ERBB4: variants seen among roughly 807,000 people sequenced by gnomAD.
ERBB4 encodes the protein receptor tyrosine-protein kinase erbB-4.
Under a neutral mutation model 158.0 loss-of-function variants are expected in ERBB4, and 42 were observed. The ratio of observed to expected loss-of-function variants is 0.27; its 90% CI spans 0.21 to 0.34. The LOEUF (loss-of-function observed/expected upper bound fraction) is 0.34. Ranked by LOEUF, ERBB4 falls within the 10% of genes least tolerant of loss-of-function variation. The pLI is 1.00. For missense variants in ERBB4, 1,333 were observed against 1,624.1 expected, an observed-to-expected ratio of 0.82 and a Z score of 3.08; for synonymous variants, 583 against 558.7, an observed-to-expected ratio of 1.04 and a Z score of -0.61.
intron 2 of ERBB4, among the ~76,000 whole-genome samples, chr2:212,008,695 T>C (rs972115803): frequency 6.6e-6 from 1 of 152,140 alleles, no homozygotes; most frequent in Non-Finnish European, 1.5e-5. Flanking sequence ...ATTAATTTCA[T>C]AGGAGCATAT....
At chr2:211,870,402 G>A (rs1203824985) in intron 3 of ERBB4, among the ~76,000 whole-genome samples, 1 of 151,990 alleles carries the variant, frequency 6.6e-6, no homozygotes, top group African/African-American at 2.4e-5. Context: ...CTAGACACTT[G>A]TTATTAATAG....
At chr2:211,969,647 T>C (rs1396445334) in intron 2 of ERBB4, among the ~76,000 whole-genome samples, 1 of 152,070 alleles carries the variant, frequency 6.6e-6, no homozygotes, top group Admixed American at 6.6e-5. Context: ...TTTAAGGGCA[T>C]TGCTTAATTA....
At chr2:212,501,469 T>C (rs779626568) in intron 1 of ERBB4, among the ~76,000 whole-genome samples, 4 of 152,166 alleles carry the variant, frequency 2.6e-5, no homozygotes, top group Non-Finnish European at 4.4e-5. Flanking sequence ...GCTCAAGAGC[T>C]GCATAACAAA....
At chr2:211,493,130 A>G (rs2065385755) in intron 20 of ERBB4, among the ~76,000 whole-genome samples, 1 of 152,148 alleles carries the variant, frequency 6.6e-6, no homozygotes, top group African/African-American at 2.4e-5. Flanking sequence ...AGAGATTATC[A>G]ACCAGCTTTC....
intron 4 of ERBB4, among the ~76,000 whole-genome samples, chr2:211,754,373 A>C (rs1308464233): frequency 6.6e-6 from 1 of 150,828 alleles, no homozygotes; most frequent in East Asian, 2.0e-4. Flanking sequence ...TCAACCTGGT[A>C]CGTGATTCTT....
At chr2:212,007,540 T>C (rs1314495720) in intron 2 of ERBB4, among the ~76,000 whole-genome samples, 3 of 151,894 alleles carry the variant, frequency 2.0e-5, no homozygotes, top group Non-Finnish European at 4.4e-5. Context: ...AGCAACTTTT[T>C]AAAAATATTT....
At chr2:211,996,438 G>C (rs1314511872) in intron 2 of ERBB4, among the ~76,000 whole-genome samples, 1 of 151,952 alleles carries the variant, frequency 6.6e-6, no homozygotes, top group Non-Finnish European at 1.5e-5. Flanking sequence ...AAAGCTGATA[G>C]AGTATTTATA....
In ERBB4 at chr2:212,463,723, A is replaced by C. The variant is rs369625298; in HGVS notation, c.82+74726T>G. 3.0e-4 allele frequency among the ~76,000 whole-genome samples: 46 copies of C among 152,188 alleles called. 1 individual carries two copies. The East Asian group carries it at 8.7e-3, about 29-fold the overall frequency. On this transcript the variant is annotated intron_variant, in intron 1 of 27. Coordinates refer to ENST00000342788, the MANE Select transcript of ERBB4 (RefSeq NM_005235.3). ...ACAATCTGAGAGGCACAAACTAATT[A>C]TTTTGTGTGTAACCCCAGCCAGTTT...
At chr2:212,337,858 G>A (rs1364558816) in intron 1 of ERBB4, among the ~76,000 whole-genome samples, 1 of 137,790 alleles carries the variant, frequency 7.3e-6, no homozygotes, top group African/African-American at 2.7e-5. Flanking sequence ...CTTTGTTTGG[G>A]TCTTGTCTTG....
chr2:211,588,037 T>G (rs2068340421), intron 19 of ERBB4, among the ~76,000 whole-genome samples: 1 of 152,216 alleles, frequency 6.6e-6, no homozygotes, highest in Non-Finnish European at 1.5e-5. Context: ...TTGAAGAATG[T>G]GACCGTTTTC....
intron 5 of ERBB4, among the ~76,000 whole-genome samples, chr2:211,744,791 A>T (rs1010302018): frequency 6.6e-6 from 1 of 152,184 alleles, no homozygotes; most frequent in African/African-American, 2.4e-5. Context: ...TCCTTAGCTG[A>T]GGTGTGGGGC....
chr2:212,034,374 T>C (rs989678092), intron 2 of ERBB4, among the ~76,000 whole-genome samples: 1 of 152,010 alleles, frequency 6.6e-6, no homozygotes, highest in African/African-American at 2.4e-5. Flanking sequence ...TATGGCTTTA[T>C]TAGCTGACAT....
intron 3 of ERBB4, among the ~76,000 whole-genome samples, chr2:211,945,532 A>C (rs2125133055): frequency 6.6e-6 from 1 of 152,252 alleles, no homozygotes; most frequent in East Asian, 1.9e-4. Context: ...ATCACTTATT[A>C]ATTATCCATT....
At chr2:211,599,870 T>A (rs2068748378) in intron 19 of ERBB4, among the ~76,000 whole-genome samples, 1 of 152,200 alleles carries the variant, frequency 6.6e-6, no homozygotes, top group Admixed American at 6.5e-5. Context: ...AACTGCAATC[T>A]AGTGGGTATT....
intron 2 of ERBB4, among the ~76,000 whole-genome samples, chr2:212,001,064 C>T (rs1385411031): frequency 6.6e-6 from 1 of 151,860 alleles, no homozygotes; most frequent in African/African-American, 2.4e-5. Context: ...AATATGGTTT[C>T]CCAACATGTA....
chr2:212,071,376 A>G (rs1014334221), intron 2 of ERBB4, among the ~76,000 whole-genome samples: 2 of 151,806 alleles, frequency 1.3e-5, no homozygotes, highest in Non-Finnish European at 2.9e-5. Context: ...CTGGGACACT[A>G]TATGCAAAGA....
At chr2:211,435,187 G>T (rs1281190431) in intron 20 of ERBB4, among the ~76,000 whole-genome samples, 1 of 152,156 alleles carries the variant, frequency 6.6e-6, no homozygotes, top group African/African-American at 2.4e-5. Flanking sequence ...AACAAATAAA[G>T]GTCCTTCATT....
At chr2:212,497,226 TA>T (rs886739542) in intron 1 of ERBB4, among the ~76,000 whole-genome samples, 2 of 151,998 alleles carry the variant, frequency 1.3e-5, no homozygotes, top group African/African-American at 2.4e-5. Context: ...TAAACAAATT[TA>T]AAAAAACAAT....
chr2:211,981,859 A>G (rs2081807848), intron 2 of ERBB4, among the ~76,000 whole-genome samples: 1 of 152,180 alleles, frequency 6.6e-6, no homozygotes, highest in Non-Finnish European at 1.5e-5. Context: ...TCTACTTTGT[A>G]ACACAGTAGC....
Sources: allele counts gnomAD v4.1 joint callset (sites outside exome capture counted in the v4.1 genomes callset), GRCh38; gene constraint gnomAD v4.1.1; transcripts MANE v1.5; gene names NCBI Gene and HGNC (gene_info 2026-07-23, HGNC 2026-07-21).